The following EXOC2 variants were observed in gnomAD, a reference collection of about 807,000 sequenced individuals.
EXOC2 encodes the protein SEC5-like 1.
EXOC2 carries 70 observed loss-of-function variants against 131.8 expected under a neutral mutation model. The ratio of observed to expected loss-of-function variants is 0.53; its 90% CI spans 0.44 to 0.65. The LOEUF is 0.65. EXOC2 is among the 30% of genes least tolerant of loss of function. EXOC2 has a pLI of 0.00. For synonymous variants in EXOC2, 411 were observed against 398.4 expected, an observed-to-expected ratio of 1.03 and a Z score of -0.38; for missense variants, 923 against 1,108.6, an observed-to-expected ratio of 0.83 and a Z score of 2.38.
At chr6:644,920 G>A (rs1260855246) in intron 1 of EXOC2, among the ~76,000 whole-genome samples, 2 of 152,038 alleles carry the variant, frequency 1.3e-5, no homozygotes, top group Admixed American at 6.6e-5. Flanking sequence ...TCCCCAAACT[G>A]ATTATAAATT....
Position 503,247 on chromosome 6 carries a change from A to G in EXOC2, c.2381-3547T>C, listed in dbSNP as rs1243135276. 2.0e-5 allele frequency among the ~76,000 whole-genome samples: 3 copies of G among 152,050 alleles called. No homozygotes were observed. In the East Asian group the frequency reaches 5.8e-4, roughly 29 times the overall value. ...AAAAGTTCTCATTCATTCAACTAAC[A>G]TAAATTCATTGAGATCCTACTACAT... On this transcript the variant is annotated intron_variant, in intron 23 of 27. Coordinates refer to ENST00000230449, the MANE Select transcript of EXOC2 (RefSeq NM_018303.6).
chr6:554,002 G>A lies in EXOC2; in HGVS notation c.2055-82C>T, dbSNP rs890345693. On this transcript the variant is annotated intron_variant, in intron 20 of 27. Coordinates refer to ENST00000230449, the MANE Select transcript of EXOC2 (RefSeq NM_018303.6). ...CAATGAACTATACGCAAATTTAAAC[G>A]TGCAATGAATTATATGGAAAACATT... The A allele has an allele frequency of 6.0e-5, 64 of 1,072,080 alleles. No individual in the cohort carries two copies. The African/African-American group carries it at 7.9e-4, about 13-fold the overall frequency. 66.4% of individuals were successfully genotyped at this position (1,072,080 alleles called of 1,614,324 possible).
chr6:525,963 C>G (rs1765711082), intron 23 of EXOC2, among the ~76,000 whole-genome samples: 1 of 150,644 alleles, frequency 6.6e-6, no homozygotes, highest in South Asian at 2.1e-4. Flanking sequence ...AACAAATTAT[C>G]TAACCAATTC....
At chr6:497,287 C>CA (rs1364840505) in intron 25 of EXOC2, 80 bp downstream of exon 25, 1 of 1,350,932 alleles carries the variant, frequency 7.4e-7, no homozygotes. Context: ...CCTGTCATAT[C>CA]ATAAGATTGA....
chr6:558,626 A>T (rs1757544728), intron 17 of EXOC2, among the ~76,000 whole-genome samples: 2 of 152,088 alleles, frequency 1.3e-5, no homozygotes, highest in African/African-American at 4.8e-5. Flanking sequence ...AGCCTGGCCA[A>T]CATGATGAAA....
At chr6:658,675 T>TATATATATATATATATATA (rs1357332614) in intron 1 of EXOC2, among the ~76,000 whole-genome samples, 1 of 139,950 alleles carries the variant, frequency 7.1e-6, no homozygotes, top group African/African-American at 2.7e-5. Context: ...ATTTTTTTTT[T>TATATATATATATATATATA]TTTTAGACGA....
At chr6:608,779 A>G (rs2127660396) in intron 7 of EXOC2, among the ~76,000 whole-genome samples, 1 of 152,358 alleles carries the variant, frequency 6.6e-6, no homozygotes, top group Non-Finnish European at 1.5e-5. Flanking sequence ...AACTGTTCCT[A>G]TAAGCCACCT....
chr6:567,537 TTTTA>T (rs1293459971), intron 13 of EXOC2, among the ~76,000 whole-genome samples: 6 of 152,250 alleles, frequency 3.9e-5, no homozygotes, highest in Non-Finnish European at 2.9e-5. Context: ...CTTTGGTGAC[TTTTA>T]TTTATATTGT....
Position 632,954 on chromosome 6 carries a change from T to G in EXOC2, c.282A>C (p.Lys94Asn). 1 of 1,611,950 alleles carries G rather than the reference T, an allele frequency of 6.2e-7. No homozygotes were observed. The highest frequency in any genetic ancestry group is 8.5e-7 in the Non-Finnish European group (1 of 1,179,236). Reference sequence around the variant, plus strand: ...GAAAGACTTTACCTATTTTCTCAGGTTTGAGTAGCTTGAAAGAGACTGTTG... The same window carrying G: ...GAAAGACTTTACCTATTTTCTCAGGGTTGAGTAGCTTGAAAGAGACTGTTG... Reference protein sequence around the residue: ...GTSTVSFKLLKPEKIGILDQS... With the variant: ...GTSTVSFKLLNPEKIGILDQS... The change falls in exon 3 of 28, where the codon AAA becomes AAC. Residue 94 changes from lysine to asparagine, a missense_variant. Lys to Asn is a moderately conservative substitution (Grantham distance 94). Transcript: ENST00000230449.
intron 10 of EXOC2, among the ~76,000 whole-genome samples, chr6:596,792 T>A (rs1759844018): frequency 6.6e-6 from 1 of 152,162 alleles, no homozygotes; most frequent in South Asian, 2.1e-4. Context: ...CCATTAAATT[T>A]GGAAAATAAT....
chr6:546,021 T>C (rs556181785), intron 22 of EXOC2, among the ~76,000 whole-genome samples: 7 of 152,346 alleles, frequency 4.6e-5, no homozygotes, highest in African/African-American at 1.7e-4. Context: ...TTCATATTTT[T>C]ATAACATATA....
intron 12 of EXOC2, among the ~76,000 whole-genome samples, chr6:573,548 G>A (rs1170428859): frequency 2.6e-5 from 4 of 152,084 alleles, no homozygotes; most frequent in Admixed American, 1.3e-4. Flanking sequence ...CCATGAGAAC[G>A]TTTATTCCCT....
In EXOC2 at chr6:554,231, A is replaced by G. The variant is rs1757300464; in HGVS notation, c.2055-311T>C. On this transcript the variant is annotated intron_variant, in intron 20 of 27. Coordinates refer to ENST00000230449, the MANE Select transcript of EXOC2 (RefSeq NM_018303.6). The stretch of plus-strand genomic sequence containing the variant: ...TAATTTTTATATTTTTAGTAGAGAC[A>G]GGGTTTCACCATGTTGGCCAGGCTG... Among the ~76,000 whole-genome samples, 10 of 152,200 alleles carry G rather than the reference A, an allele frequency of 6.6e-5. No individual in the cohort carries two copies. In the South Asian group the frequency reaches 2.1e-3, roughly 32 times the overall value.
rs552135503 is a variant in EXOC2 at position 568,379 on chromosome 6, G to A, written c.1444-3450C>T. 1.1e-4 allele frequency among the ~76,000 whole-genome samples: 17 copies of A among 152,298 alleles called. No individual in the cohort carries two copies. The East Asian group carries it at 2.3e-3, about 21-fold the overall frequency. On this transcript the variant is annotated intron_variant, in intron 13 of 27. Coordinates refer to ENST00000230449, the MANE Select transcript of EXOC2 (RefSeq NM_018303.6). ...CTTTATGTGCCTTCATAGTTGAACCGAAACATGTGCTCTCCTTAGGTCTCG... is the reference window on the plus strand; with the variant it reads ...CTTTATGTGCCTTCATAGTTGAACCAAAACATGTGCTCTCCTTAGGTCTCG...
Position 564,088 on chromosome 6 carries a change from G to A in EXOC2, c.1734C>T (p.Leu578=), listed in dbSNP as rs756567650. 15 of 1,613,984 alleles carry A rather than the reference G, an allele frequency of 9.3e-6. No individual in the cohort carries two copies. Among genetic ancestry groups the A allele is most frequent in the African/African-American group, 2.7e-5 (2 of 74,926 alleles). ...PNDLLQTIQD[L]ILDLRVRCVM... Reference sequence around the variant, plus strand: ...CGCAACGTACTCGGAGATCCAAGATGAGATCCTGGATAGTCTGTAACAGGT... The same window carrying A: ...CGCAACGTACTCGGAGATCCAAGATAAGATCCTGGATAGTCTGTAACAGGT... The change falls in exon 16 of 28, where the codon CTC becomes CTT. Residue 578 remains leucine, a synonymous_variant. Transcript: ENST00000230449.
intron 23 of EXOC2, among the ~76,000 whole-genome samples, chr6:531,235 C>T (rs1766059231): frequency 6.6e-6 from 1 of 152,198 alleles, no homozygotes; most frequent in African/African-American, 2.4e-5. Flanking sequence ...GGGCAGTGGG[C>T]AGAGTGCCAG....
chr6:651,869 AACATAGTGAAACCCC>A (rs1762847428), intron 1 of EXOC2, among the ~76,000 whole-genome samples: 1 of 151,778 alleles, frequency 6.6e-6, no homozygotes, highest in Admixed American at 6.6e-5. Flanking sequence ...CAGTCTGATG[AACATAGTGAAACCCC>A]ACCTCTACTA....
intron 10 of EXOC2, among the ~76,000 whole-genome samples, chr6:594,385 T>A (rs1030377707): frequency 3.3e-5 from 5 of 152,212 alleles, no homozygotes; most frequent in African/African-American, 1.2e-4. Context: ...ATTTCAGCGT[T>A]CTCCCTAAAT....
intron 1 of EXOC2, among the ~76,000 whole-genome samples, chr6:652,567 A>G (rs1561974114): frequency 6.6e-6 from 1 of 152,210 alleles, no homozygotes; most frequent in Non-Finnish European, 1.5e-5. Flanking sequence ...ATTTAATATA[A>G]AAGAATATAA....
Sources: gnomAD v4.1 joint callset for allele counts (sites outside exome capture counted in the v4.1 genomes callset) on GRCh38, gnomAD v4.1.1 for gene constraint, MANE v1.5 for transcripts, NCBI Gene and HGNC (gene_info 2026-07-23, HGNC 2026-07-21) for gene names.